ROS1: variants seen among roughly 807,000 people sequenced by gnomAD.
ROS1 encodes ROS proto-oncogene 1, receptor tyrosine kinase, also known as proto-oncogene tyrosine-protein kinase ROS.
Under a neutral mutation model 273.5 loss-of-function variants are expected in ROS1, and 263 were observed. The observed-to-expected ratio is 0.96, with a 90% CI of 0.87 to 1.06. ROS1 has a LOEUF of 1.06. Ranked by LOEUF, ROS1 falls within the 50% of genes least tolerant of loss-of-function variation. The pLI is 0.00. For synonymous variants in ROS1, 1,008 were observed against 954.1 expected, an observed-to-expected ratio of 1.06 and a Z score of -1.04; for missense variants, 2,833 against 2,751.1, an observed-to-expected ratio of 1.03 and a Z score of -0.67.
At chr6:117,372,753 A>G (rs1435520234) in intron 18 of ROS1, among the ~76,000 whole-genome samples, 2 of 152,232 alleles carry the variant, frequency 1.3e-5, no homozygotes, top group Non-Finnish European at 2.9e-5. Context: ...GTTACAGCTC[A>G]TAAACGCAGT....
At chr6:117,357,431 A>C (rs997223342) in intron 25 of ROS1, among the ~76,000 whole-genome samples, 3 of 152,216 alleles carry the variant, frequency 2.0e-5, no homozygotes, top group Non-Finnish European at 4.4e-5. Flanking sequence ...ATGGATGAGC[A>C]CAGAATAACT....
intron 42 of ROS1, among the ~76,000 whole-genome samples, chr6:117,307,543 C>T (rs538792970): frequency 4.6e-5 from 7 of 152,034 alleles, no homozygotes; most frequent in African/African-American, 1.4e-4. Flanking sequence ...AATTTCTTAT[C>T]CTTAATTTAT....
chr6:117,414,056 G>T (rs943383604), intron 4 of ROS1, among the ~76,000 whole-genome samples: 1 of 152,142 alleles, frequency 6.6e-6, no homozygotes, highest in African/African-American at 2.4e-5. Context: ...AAGCAAGCAA[G>T]CAAGAAAGAA....
intron 16 of ROS1, among the ~76,000 whole-genome samples, chr6:117,384,661 G>A (rs954463762): frequency 1.3e-5 from 2 of 152,096 alleles, no homozygotes; most frequent in Non-Finnish European, 2.9e-5. Flanking sequence ...TCACTCCACA[G>A]GTGTGCTGGA....
At chr6:117,414,319 T>C (rs1348871133) in intron 4 of ROS1, among the ~76,000 whole-genome samples, 200 bp downstream of exon 4, 1 of 152,126 alleles carries the variant, frequency 6.6e-6, no homozygotes, top group Admixed American at 6.5e-5. Flanking sequence ...TACATGCACA[T>C]AGATACATAA....
intron 6 of ROS1, 73 bp downstream of exon 6, chr6:117,404,207 C>A (rs1582865158): frequency 3.6e-6 from 5 of 1,378,360 alleles, no homozygotes; most frequent in African/African-American, 3.0e-5. Context: ...GGCGACAGAG[C>A]GAGACTCCGT....
chr6:117,423,777 G>A (rs1388603222), intron 1 of ROS1, among the ~76,000 whole-genome samples: 1 of 151,680 alleles, frequency 6.6e-6, no homozygotes, highest in Non-Finnish European at 1.5e-5. Context: ...CAGAGTAAAT[G>A]TCCATGTTTT....
At chr6:117,383,249 G>A (rs1456837420) in intron 17 of ROS1, 68 bp downstream of exon 17, 4 of 1,234,610 alleles carry the variant, frequency 3.2e-6, no homozygotes, top group Non-Finnish European at 3.5e-6. Flanking sequence ...CAATAAGCGA[G>A]AGAAAGTATT....
At chr6:117,372,804 G>C (rs1322987186) in intron 18 of ROS1, among the ~76,000 whole-genome samples, 1 of 152,166 alleles carries the variant, frequency 6.6e-6, no homozygotes, top group Non-Finnish European at 1.5e-5. Context: ...TTATCACAAA[G>C]AGCAAAAGAA....
At chr6:117,324,267 T>G in intron 35 of ROS1, 65 bp downstream of exon 35, 1 of 770,876 alleles carries the variant, frequency 1.3e-6, no homozygotes, top group South Asian at 1.6e-5. Context: ...AACTAAGAGA[T>G]AAATCAATCA....
intron 2 of ROS1, among the ~76,000 whole-genome samples, chr6:117,417,233 A>G (rs1562390035): frequency 6.6e-6 from 1 of 151,980 alleles, no homozygotes; most frequent in African/African-American, 2.4e-5. Context: ...CTTACTTTCC[A>G]TCCTCAAATT....
At chr6:117,394,941 A>G (rs746671023) in intron 9 of ROS1, among the ~76,000 whole-genome samples, 1 of 152,198 alleles carries the variant, frequency 6.6e-6, no homozygotes, top group Admixed American at 6.5e-5. Context: ...TACAGTAACA[A>G]TCAAATAGGA....
rs901369393 is a variant in ROS1, at chr6:117,365,760, AAAAG to A, written c.2798-23_2798-20del. ...AAGTTCCCTACAGGATGAAACAAAA[AAAAG>A]AAATAGGAGAAAAAAATGGGGATTA... On this transcript the variant is annotated intron_variant, in intron 19 of 43. Coordinates refer to ENST00000368507, the MANE Select transcript of ROS1 (RefSeq NM_001378902.1). 2 of 1,514,562 alleles carry A rather than the reference AAAAG, an allele frequency of 1.3e-6. No homozygotes were observed. Among genetic ancestry groups the A allele is most frequent in the Non-Finnish European group, 8.8e-7 (1 of 1,135,258 alleles). The allele number at this position is 1,514,562 out of a possible 1,614,324, so 93.8% of individuals were successfully genotyped here.
intron 37 of ROS1, among the ~76,000 whole-genome samples, 196 bp downstream of exon 37, chr6:117,319,672 T>C (rs1396452953): frequency 3.9e-5 from 6 of 152,200 alleles, no homozygotes; most frequent in Non-Finnish European, 5.9e-5. Flanking sequence ...ACCCTGGAGA[T>C]TGTTGATTAC....
intron 21 of ROS1, among the ~76,000 whole-genome samples, chr6:117,363,807 A>G (rs1343485350): frequency 6.6e-6 from 1 of 152,136 alleles, no homozygotes; most frequent in Non-Finnish European, 1.5e-5. Context: ...AGTATCTATT[A>G]TCATTTGCTG....
rs766549439 is a variant in ROS1, at chr6:117,335,929, C to G, written c.5230+1243G>C. ...TGTATACCTATGTAACAACCCTGCA[C>G]GTTCTGCACATGTATCTTATTTTTT... On this transcript the variant is annotated intron_variant, in intron 32 of 43. Transcript: ENST00000368507. Among the ~76,000 whole-genome samples the G allele has an allele frequency of 5.5e-4, 83 of 151,828 alleles. 1 individual carries two copies. Among genetic ancestry groups the G allele is most frequent in the Non-Finnish European group, 1.0e-4 (7 of 67,960 alleles).
chr6:117,315,173 CA>C (rs1775830238), intron 39 of ROS1, among the ~76,000 whole-genome samples: 1 of 151,828 alleles, frequency 6.6e-6, no homozygotes. Context: ...TTTAATTCTA[CA>C]AAAAGATTGG....
chr6:117,414,125 T>C (rs1775150839), intron 4 of ROS1, among the ~76,000 whole-genome samples: 1 of 152,182 alleles, frequency 6.6e-6, no homozygotes, highest in African/African-American at 2.4e-5. Context: ...GCACTATACA[T>C]TGTGGGGAAG....
chr6:117,360,450 G>T, intron 22 of ROS1, 45 bp from the exon 23 acceptor site: 2 of 1,361,594 alleles, frequency 1.5e-6, no homozygotes, highest in South Asian at 1.2e-5. Flanking sequence ...TGTTCTCCGT[G>T]GCAACAATTA....
Sources: allele counts gnomAD v4.1 joint callset (sites outside exome capture counted in the v4.1 genomes callset), GRCh38; gene constraint gnomAD v4.1.1; transcripts MANE v1.5; gene names NCBI Gene and HGNC (gene_info 2026-07-23, HGNC 2026-07-21).